The following NRIP1 variants were observed in gnomAD, a reference collection of about 807,000 sequenced individuals.
The protein encoded by NRIP1 is nuclear receptor-interacting protein 1.
In NRIP1, 28 loss-of-function variants were observed where a neutral mutation model predicts 75.0. The observed-to-expected ratio is 0.37, with a 90% confidence interval of 0.28 to 0.51. The LOEUF is 0.51. NRIP1 is among the 20% of genes least tolerant of loss of function. The pLI is 0.92. For missense variants in NRIP1, 1,435 were observed against 1,343.7 expected, an observed-to-expected ratio of 1.07 and a Z score of -1.06; for synonymous variants, 526 against 487.6, an observed-to-expected ratio of 1.08 and a Z score of -1.04.
At chr21:14,996,373 G>A (rs186476169) in intron 3 of NRIP1, among the ~76,000 whole-genome samples, 105 of 152,174 alleles carry the variant, frequency 6.9e-4, no homozygotes, top group Non-Finnish European at 1.5e-3. Context: ...AGTGCTCTCC[G>A]GTCTTTGGGC....
At chr21:15,013,513 G>C (rs578251540) in intron 3 of NRIP1, among the ~76,000 whole-genome samples, 19 of 152,292 alleles carry the variant, frequency 1.2e-4, no homozygotes, top group African/African-American at 4.3e-4. Flanking sequence ...CAGTTAGCTA[G>C]ATGAAACTGA....
At chr21:15,048,845 G>C (rs2089142824) in intron 1 of NRIP1, among the ~76,000 whole-genome samples, 1 of 152,178 alleles carries the variant, frequency 6.6e-6, no homozygotes, top group Non-Finnish European at 1.5e-5. Flanking sequence ...AATTTACCAA[G>C]GAGAAATGAT....
chr21:15,012,144 T>C (rs889031063), intron 3 of NRIP1, among the ~76,000 whole-genome samples: 1 of 152,178 alleles, frequency 6.6e-6, no homozygotes, highest in Non-Finnish European at 1.5e-5. Context: ...TGTCAAATAC[T>C]CATCTCCTGA....
chr21:15,017,716 T>C (rs552968622), intron 2 of NRIP1, among the ~76,000 whole-genome samples: 4 of 152,342 alleles, frequency 2.6e-5, no homozygotes, highest in Admixed American at 2.0e-4. Context: ...TTTTCCCTAC[T>C]ACTGTTCATC....
intron 2 of NRIP1, among the ~76,000 whole-genome samples, chr21:15,038,192 T>C (rs113685989): frequency 4.6e-5 from 7 of 152,226 alleles, no homozygotes; most frequent in African/African-American, 1.7e-4. Context: ...TAACAAACAT[T>C]ATAATGTCCC....
At position 14,964,790 on chromosome 21, in the gene NRIP1, G is replaced by A. The variant is rs61750207; in HGVS notation, c.3403C>T (p.Arg1135Cys). ...ACTTCTCCATTTGCGCTGTGTGGGC[G>A]AGAAGCATTATTTCCCATATGGCTA... Reference protein sequence around the residue: ...YNSHMGNNASRPHSANGEVYG... With the variant: ...YNSHMGNNASCPHSANGEVYG... The change falls in exon 4 of 4, where the codon CGC becomes TGC. Residue 1135 changes from arginine to cysteine, a missense_variant. Arg to Cys is a radical substitution (Grantham distance 180). Transcript: ENST00000318948. The A allele has an allele frequency of 0.01, 16,426 of 1,608,510 alleles. 113 individuals are homozygous for A. The highest frequency in any genetic ancestry group is 0.017 in the Middle Eastern group (102 of 6,010).
intron 3 of NRIP1, among the ~76,000 whole-genome samples, chr21:15,011,441 G>A (rs760655529): frequency 6.6e-5 from 10 of 152,060 alleles, no homozygotes; most frequent in Middle Eastern, 3.2e-3. Context: ...CGCCCGCCTC[G>A]GCCTCTCAAA....
rs1400603578 is a variant in NRIP1, at chr21:15,001,329, T to C, written c.-335+13015A>G. On this transcript the variant is annotated intron_variant, in intron 3 of 3. Coordinates refer to ENST00000318948, the MANE Select transcript of NRIP1 (RefSeq NM_003489.4). ...CTGCAGTTCACATGTGGCAAGAGGCTTGGACAAGAGGAATTTCTTTTCTCC... is the reference window on the plus strand; with the variant it reads ...CTGCAGTTCACATGTGGCAAGAGGCCTGGACAAGAGGAATTTCTTTTCTCC... Among the ~76,000 whole-genome samples, 5 of 152,294 alleles carry C rather than the reference T, an allele frequency of 3.3e-5. No individual in the cohort carries two copies. In the East Asian group the frequency reaches 7.7e-4, roughly 24 times the overall value.
intron 2 of NRIP1, among the ~76,000 whole-genome samples, chr21:15,014,792 CA>C (rs1343716800): frequency 7.0e-6 from 1 of 143,104 alleles, no homozygotes; most frequent in Non-Finnish European, 1.5e-5. Flanking sequence ...AATTTACATA[CA>C]AAAAATTATA....
intron 1 of NRIP1, chr21:15,052,296 T>C (rs974769569): frequency 6.6e-6 from 1 of 152,186 alleles, no homozygotes; most frequent in Admixed American, 6.5e-5. Context: ...CCCGGAAGTA[T>C]GTTAAGGATA....
chr21:14,972,795 G>A (rs375636833), intron 3 of NRIP1, among the ~76,000 whole-genome samples: 74 of 152,296 alleles, frequency 4.9e-4, no homozygotes, highest in African/African-American at 1.7e-3. Flanking sequence ...CTTATAAACA[G>A]TGGGGAACCT....
intron 2 of NRIP1, among the ~76,000 whole-genome samples, chr21:15,024,590 G>GTGTGTC (rs1332360480): frequency 2.0e-5 from 3 of 151,648 alleles, no homozygotes; most frequent in African/African-American, 7.3e-5. Flanking sequence ...GTGTGTGTGT[G>GTGTGTC]TGTGTGTCTG....
chr21:14,985,147 CT>C lies in NRIP1; in HGVS notation c.-334-16622del, dbSNP rs1439638023. On this transcript the variant is annotated intron_variant, in intron 3 of 3. Coordinates refer to ENST00000318948, the MANE Select transcript of NRIP1 (RefSeq NM_003489.4). ...AACTCCTTATGGGCAAGAATTATGT[CT>C]TTTTCATCTTTACATCTTAGCACCT... 4.6e-5 allele frequency among the ~76,000 whole-genome samples: 7 copies of C among 152,170 alleles called. No homozygotes were observed. The South Asian group carries it at 8.3e-4, about 18-fold the overall frequency.
chr21:14,977,972 CAG>C (rs1488139890), intron 3 of NRIP1, among the ~76,000 whole-genome samples: 1 of 152,162 alleles, frequency 6.6e-6, no homozygotes, highest in African/African-American at 2.4e-5. Context: ...GCATGGACAC[CAG>C]AGACACCGGT....
At position 15,034,688 on chromosome 21, in the gene NRIP1, G is replaced by A. The variant is rs2088793034; in HGVS notation, c.-458+8807C>T. 2.0e-5 allele frequency among the ~76,000 whole-genome samples: 3 copies of A among 152,132 alleles called. No homozygotes were observed. In the South Asian group the frequency reaches 6.2e-4, roughly 32 times the overall value. On this transcript the variant is annotated intron_variant, in intron 2 of 3. Transcript: ENST00000318948. Reference sequence around the variant, plus strand: ...GAGGAGAGGAGAGCTGGAGGAAGTGGAAAGAACTAGGTCAGTAGGTGGCAG... The same window carrying A: ...GAGGAGAGGAGAGCTGGAGGAAGTGAAAAGAACTAGGTCAGTAGGTGGCAG...
intron 2 of NRIP1, among the ~76,000 whole-genome samples, chr21:15,041,081 A>C (rs1033056769): frequency 3.3e-5 from 5 of 152,126 alleles, no homozygotes; most frequent in African/African-American, 1.2e-4. Flanking sequence ...TTGCAGACAC[A>C]AACTCGAAAG....
At chr21:15,065,149 C>T (rs1978776245), upstream of NRIP1, 2 of 152,512 alleles carry the variant, frequency 1.3e-5, no homozygotes, top group Non-Finnish European at 2.9e-5. Context: ...TTCTCCCCCT[C>T]CCTCCCATTG....
intron 2 of NRIP1, among the ~76,000 whole-genome samples, chr21:15,040,989 C>CACTGT (rs2088939708): frequency 6.6e-6 from 1 of 152,114 alleles, no homozygotes; most frequent in Non-Finnish European, 1.5e-5. Flanking sequence ...CCAGCAGTTC[C>CACTGT]ACTCCCATGC....
chr21:15,016,986 GAAAA>G (rs1337917542), intron 2 of NRIP1, among the ~76,000 whole-genome samples: 1 of 150,608 alleles, frequency 6.6e-6, no homozygotes, highest in Non-Finnish European at 1.5e-5. Flanking sequence ...GAGAAAGAAA[GAAAA>G]GAAAGAAAAA....
Sources: gnomAD v4.1 joint callset for allele counts (sites outside exome capture counted in the v4.1 genomes callset) on GRCh38, gnomAD v4.1.1 for gene constraint, MANE v1.5 for transcripts, NCBI Gene and HGNC (gene_info 2026-07-23, HGNC 2026-07-21) for gene names.